KCNN2: variants seen among roughly 807,000 people sequenced by gnomAD.
The protein encoded by KCNN2 is small conductance calcium-activated potassium channel protein 2.
Under a neutral mutation model 55.5 loss-of-function variants are expected in KCNN2, and 24 were observed. The ratio of observed to expected loss-of-function variants is 0.43; its 90% CI spans 0.31 to 0.61. The LOEUF is 0.61. Among genes scored for constraint, KCNN2 ranks in the 20% least tolerant of loss-of-function variants. The pLI is 0.08. For synonymous variants in KCNN2, 431 were observed against 336.1 expected (o/e 1.28, Z -3.09); for missense variants, 754 against 853.6 (o/e 0.88, Z 1.45).
At chr5:114,073,423 T>C (rs1453902750) in intron 1 of KCNN2, among the ~76,000 whole-genome samples, 3 of 152,264 alleles carry the variant, frequency 2.0e-5, no homozygotes, top group Non-Finnish European at 2.9e-5. Flanking sequence ...TCAATTAGCA[T>C]GGACTTTATT....
chr5:114,376,491 TG>T (rs1332173417), intron 2 of KCNN2, among the ~76,000 whole-genome samples: 2 of 152,154 alleles, frequency 1.3e-5, no homozygotes, highest in African/African-American at 4.8e-5. Flanking sequence ...TGCTGCCATA[TG>T]GGAACACAAT....
chr5:114,295,857 A>G (rs1756001882), intron 2 of KCNN2, among the ~76,000 whole-genome samples: 1 of 151,302 alleles, frequency 6.6e-6, no homozygotes, highest in Admixed American at 6.6e-5. Flanking sequence ...ACCACAATAT[A>G]TGAGCATTTA....
chr5:114,280,145 G>T (rs1172773686), intron 2 of KCNN2, among the ~76,000 whole-genome samples: 11 of 152,078 alleles, frequency 7.2e-5, no homozygotes, highest in Admixed American at 4.6e-4. Flanking sequence ...TTTGATGGGG[G>T]TGTTTGAATT....
intron 2 of KCNN2, among the ~76,000 whole-genome samples, chr5:114,385,634 C>T (rs1758258056): frequency 6.6e-6 from 1 of 151,582 alleles, no homozygotes; most frequent in Admixed American, 6.6e-5. Flanking sequence ...GTGCCTTTTA[C>T]CTAGAATATA....
chr5:114,281,491 AT>A (rs1755621769), intron 2 of KCNN2, among the ~76,000 whole-genome samples: 1 of 152,080 alleles, frequency 6.6e-6, no homozygotes, highest in African/African-American at 2.4e-5. Flanking sequence ...AGACATTTAT[AT>A]TAAGACCTTG....
At position 114,144,994 on chromosome 5, in the gene KCNN2, A is replaced by G. The variant is rs184695109; in HGVS notation, c.-270-76486A>G. 2.6e-3 allele frequency among the ~76,000 whole-genome samples: 400 copies of G among 152,250 alleles called. 1 individual carries two copies. The highest frequency in any genetic ancestry group is 3.5e-3 in the Non-Finnish European group (240 of 68,010). On this transcript the variant is annotated intron_variant, in intron 1 of 10. Coordinates refer to the KCNN2 transcript ENST00000512097. Reference sequence around the variant, plus strand: ...TGTTGTCTTAGTTTTTGAGGTGACAAGGTGGATTTACTTATAACACTTTCT... The same window carrying G: ...TGTTGTCTTAGTTTTTGAGGTGACAGGGTGGATTTACTTATAACACTTTCT...
chr5:114,225,681 A>G (rs191791622), intron 2 of KCNN2, among the ~76,000 whole-genome samples: 1 of 152,288 alleles, frequency 6.6e-6, no homozygotes, highest in Admixed American at 6.5e-5. Flanking sequence ...CAAGTTATCT[A>G]CAAAGAAAAA....
intron 2 of KCNN2, among the ~76,000 whole-genome samples, chr5:114,333,101 C>A (rs1756855016): frequency 1.3e-5 from 2 of 152,118 alleles, no homozygotes; most frequent in Non-Finnish European, 2.9e-5. Context: ...TAAAAGTTTA[C>A]AGTCAGAAAG....
intron 3 of KCNN2, among the ~76,000 whole-genome samples, chr5:114,456,886 T>C (rs1760949843): frequency 1.3e-5 from 2 of 152,208 alleles, no homozygotes; most frequent in Non-Finnish European, 2.9e-5. Context: ...TTTGAATGTA[T>C]GGGGCGTTTG....
chr5:114,349,517 C>T (rs901482796), intron 2 of KCNN2, among the ~76,000 whole-genome samples: 1 of 152,018 alleles, frequency 6.6e-6, no homozygotes, highest in Non-Finnish European at 1.5e-5. Context: ...ACTTGGGTCT[C>T]ATCCCCAAGA....
At chr5:114,126,042 T>TATAC (rs1561486104) in intron 1 of KCNN2, among the ~76,000 whole-genome samples, 1 of 152,162 alleles carries the variant, frequency 6.6e-6, no homozygotes, top group Non-Finnish European at 1.5e-5. Flanking sequence ...TTCCTTGGGT[T>TATAC]ATACATACAT....
chr5:114,278,080 T>C (rs1298889068), intron 2 of KCNN2, among the ~76,000 whole-genome samples: 1 of 152,188 alleles, frequency 6.6e-6, no homozygotes. Context: ...GTTAGGTTTC[T>C]GTTTGTTAGG....
chr5:114,281,914 A>C (rs1302643972), intron 2 of KCNN2, among the ~76,000 whole-genome samples: 1 of 152,010 alleles, frequency 6.6e-6, no homozygotes, highest in Non-Finnish European at 1.5e-5. Context: ...GTAAATACTT[A>C]AATTTAAATA....
Position 114,463,033 on chromosome 5 carries a change from G to C in KCNN2, c.1638-16G>C, listed in dbSNP as rs771543191. On this transcript the variant is annotated splice_polypyrimidine_tract_variant and intron_variant, in intron 3 of 7. Transcript: ENST00000673685. ...AGATTAATTATAAAGGACTGGTTTT[G>C]TTTGCTGTTTTTCAGGTACCATGAT... 1 of 1,609,784 alleles carries C rather than the reference G, an allele frequency of 6.2e-7. No homozygotes were observed. The highest frequency in any genetic ancestry group is 1.7e-5 in the Admixed American group (1 of 59,396).
intron 2 of KCNN2, among the ~76,000 whole-genome samples, chr5:114,382,746 A>C (rs1466701439): frequency 6.6e-6 from 1 of 152,178 alleles, no homozygotes; most frequent in Non-Finnish European, 1.5e-5. Context: ...CCAAAAAACA[A>C]ATGGATGGAT....
chr5:114,076,843 GC>G (rs1246646042), intron 1 of KCNN2, among the ~76,000 whole-genome samples: 71 of 152,022 alleles, frequency 4.7e-4, no homozygotes, highest in African/African-American at 2.4e-5. Context: ...GCAGGCACGT[GC>G]CAACATGCCC....
intron 1 of KCNN2, among the ~76,000 whole-genome samples, chr5:114,198,772 T>C (rs1753611862): frequency 6.6e-6 from 1 of 152,144 alleles, no homozygotes; most frequent in Non-Finnish European, 1.5e-5. Context: ...CTAGCTTTTT[T>C]CCACTGTGGT....
At chr5:114,315,936 A>G (rs1756492275) in intron 2 of KCNN2, among the ~76,000 whole-genome samples, 1 of 150,942 alleles carries the variant, frequency 6.6e-6, no homozygotes, top group Non-Finnish European at 1.5e-5. Context: ...GTTAGGAATC[A>G]GATATTGTCC....
intron 3 of KCNN2, among the ~76,000 whole-genome samples, chr5:114,439,405 G>A (rs139504993): frequency 6.6e-6 from 1 of 152,144 alleles, no homozygotes; most frequent in Admixed American, 6.6e-5. Context: ...AATGTGCACA[G>A]TTCTTACTAA....
Sources: gnomAD v4.1 joint callset for allele counts (sites outside exome capture counted in the v4.1 genomes callset) on GRCh38, gnomAD v4.1.1 for gene constraint, MANE v1.5 for transcripts, NCBI Gene and HGNC (gene_info 2026-07-23, HGNC 2026-07-21) for gene names.